SPPL3: variants seen among roughly 807,000 people sequenced by gnomAD.
SPPL3 encodes the protein signal peptide peptidase-like 3.
A neutral mutation model predicts 42.4 loss-of-function variants in SPPL3; 5 were observed. That is an observed-to-expected ratio of 0.12 (90% CI 0.06 to 0.25). The LOEUF (loss-of-function observed/expected upper bound fraction) is 0.25. Ranked by LOEUF, SPPL3 falls within the 10% of genes least tolerant of loss-of-function variation. The probability of loss-of-function intolerance (pLI) is 1.00; values close to 1 mark genes in which losing one functional copy is unlikely to be tolerated. For synonymous variants in SPPL3, 195 were observed against 181.8 expected (o/e 1.07, Z -0.58); for missense variants, 235 against 489.0 (o/e 0.48, Z 4.90).
intron 2 of SPPL3, among the ~76,000 whole-genome samples, chr12:120,802,388 TAC>T (rs1184183780): frequency 4.5e-5 from 6 of 134,178 alleles, no homozygotes; most frequent in East Asian, 4.0e-4. Flanking sequence ...TGTATATATA[TAC>T]ACATATATGT....
intron 1 of SPPL3, among the ~76,000 whole-genome samples, chr12:120,879,302 C>T (rs974002902): frequency 1.3e-5 from 2 of 152,098 alleles, no homozygotes; most frequent in East Asian, 1.9e-4. Flanking sequence ...TCATCTCCCC[C>T]GCTCCAAAAG....
At position 120,800,304 on chromosome 12, in the gene SPPL3, A is replaced by G. The variant is rs1051651141; in HGVS notation, c.102-8747T>C. On this transcript the variant is annotated intron_variant, in intron 2 of 10. Transcript: ENST00000353487. Reference sequence around the variant, plus strand: ...GATCACCTGAGGTTAGAAGTTCGAGACCAGCCTGGACAACATGGTGAAACC... The same window carrying G: ...GATCACCTGAGGTTAGAAGTTCGAGGCCAGCCTGGACAACATGGTGAAACC... Among the ~76,000 whole-genome samples, 4 of 152,162 alleles carry G rather than the reference A, an allele frequency of 2.6e-5. No individual in the cohort carries two copies. In the South Asian group the frequency reaches 8.3e-4, roughly 31 times the overall value.
chr12:120,835,131 G>A (rs1048670522), intron 1 of SPPL3, among the ~76,000 whole-genome samples: 2 of 152,156 alleles, frequency 1.3e-5, no homozygotes, highest in African/African-American at 4.8e-5. Flanking sequence ...CAGGGACCCT[G>A]TTCCAACTTC....
chr12:120,779,881 C>T (rs1869464926), intron 6 of SPPL3, among the ~76,000 whole-genome samples: 1 of 146,350 alleles, frequency 6.8e-6, no homozygotes, highest in Non-Finnish European at 1.5e-5. Flanking sequence ...ACCTGTAATC[C>T]CAGTTACTCA....
At chr12:120,855,744 A>G (rs1330343428) in intron 1 of SPPL3, among the ~76,000 whole-genome samples, 1 of 152,200 alleles carries the variant, frequency 6.6e-6, no homozygotes, top group Non-Finnish European at 1.5e-5. Context: ...AAATGTGTTC[A>G]GTACTTTTTC....
At chr12:120,894,676 T>C (rs1346635198) in intron 1 of SPPL3, among the ~76,000 whole-genome samples, 2 of 152,226 alleles carry the variant, frequency 1.3e-5, no homozygotes, top group African/African-American at 4.8e-5. Flanking sequence ...CCAGGCGCAG[T>C]GGCTCATGCC....
At chr12:120,795,811 T>A (rs1870078031) in intron 2 of SPPL3, among the ~76,000 whole-genome samples, 1 of 152,210 alleles carries the variant, frequency 6.6e-6, no homozygotes. Context: ...TCCCTCCCTT[T>A]CTTCTCCTCT....
At chr12:120,833,696 GAA>G (rs1871511565) in intron 1 of SPPL3, among the ~76,000 whole-genome samples, 1 of 134,014 alleles carries the variant, frequency 7.5e-6, no homozygotes, top group Non-Finnish European at 1.6e-5. Flanking sequence ...AAAAAAAAAG[GAA>G]AAAGAGAAAA....
At chr12:120,836,483 G>T (rs551669418) in intron 1 of SPPL3, among the ~76,000 whole-genome samples, 2 of 152,256 alleles carry the variant, frequency 1.3e-5, no homozygotes, top group East Asian at 3.9e-4. Flanking sequence ...ATGTGAATGA[G>T]ACCATCCTGA....
At chr12:120,845,449 C>T in intron 1 of SPPL3, 2 of 410,054 alleles carry the variant, frequency 4.9e-6, no homozygotes, top group East Asian at 6.2e-5. Context: ...TCCGAGCCGC[C>T]CACGCCCCAC....
At chr12:120,774,038 G>A (rs10849788) in intron 6 of SPPL3, among the ~76,000 whole-genome samples, 29,453 of 152,094 alleles carry the variant, frequency 0.19, 4,486 homozygotes, top group African/African-American at 0.41. Context: ...CTCCACCTGC[G>A]TCTAAACTAA....
intron 2 of SPPL3, among the ~76,000 whole-genome samples, chr12:120,800,341 A>C (rs1203319060): frequency 1.3e-5 from 2 of 152,084 alleles, no homozygotes; most frequent in Admixed American, 6.5e-5. Flanking sequence ...CGTCTCTACT[A>C]AAAATACAAA....
In SPPL3 at chr12:120,796,908, A is replaced by G. The variant is rs191020204; in HGVS notation, c.102-5351T>C. Among the ~76,000 whole-genome samples, 30 of 152,274 alleles carry G rather than the reference A, an allele frequency of 2.0e-4. No homozygotes were observed. The East Asian group carries it at 4.6e-3, about 23-fold the overall frequency. On this transcript the variant is annotated intron_variant, in intron 2 of 10. Coordinates refer to ENST00000353487, the MANE Select transcript of SPPL3 (RefSeq NM_139015.5). ...GTGGTGAGGGTGGGTGCAGTGGTTCACGCCTGTAATCCCAGCACTTTGAGA... is the reference window on the plus strand; with the variant it reads ...GTGGTGAGGGTGGGTGCAGTGGTTCGCGCCTGTAATCCCAGCACTTTGAGA...
chr12:120,798,498 G>C lies in SPPL3; in HGVS notation c.102-6941C>G, dbSNP rs2033587627. 2.6e-5 allele frequency among the ~76,000 whole-genome samples: 4 copies of C among 152,108 alleles called. No individual in the cohort carries two copies. The South Asian group carries it at 8.3e-4, about 31-fold the overall frequency. On this transcript the variant is annotated intron_variant, in intron 2 of 10. Transcript: ENST00000353487. Reference sequence around the variant, plus strand: ...TTCTAGTACATGGTTTCACTTCTATGATCTTTTAAGCTTTAATTCATGTTT... The same window carrying C: ...TTCTAGTACATGGTTTCACTTCTATCATCTTTTAAGCTTTAATTCATGTTT...
chr12:120,780,458 A>C (rs1027113040), intron 6 of SPPL3, among the ~76,000 whole-genome samples: 9 of 151,140 alleles, frequency 6.0e-5, no homozygotes, highest in African/African-American at 2.2e-4. Flanking sequence ...CAAACAAAAC[A>C]AAAAAAGCTG....
At chr12:120,850,586 T>G (rs999747100) in intron 1 of SPPL3, among the ~76,000 whole-genome samples, 1 of 151,938 alleles carries the variant, frequency 6.6e-6, no homozygotes, top group African/African-American at 2.4e-5. Context: ...TTTTTGACAG[T>G]GGACGTTAGG....
intron 2 of SPPL3, among the ~76,000 whole-genome samples, chr12:120,800,997 T>C (rs567243157): frequency 6.6e-6 from 1 of 152,294 alleles, no homozygotes; most frequent in Non-Finnish European, 1.5e-5. Context: ...GAAACAAAAA[T>C]ATTTCACCCA....
chr12:120,796,947 G>A lies in SPPL3; in HGVS notation c.102-5390C>T, dbSNP rs112933790. ...AGCACTTTGAGAGGCTGAGGCGGGCGAATCACGAGGTCAGGAGTTCGAGAC... is the reference window on the plus strand; with the variant it reads ...AGCACTTTGAGAGGCTGAGGCGGGCAAATCACGAGGTCAGGAGTTCGAGAC... On this transcript the variant is annotated intron_variant, in intron 2 of 10. Coordinates refer to ENST00000353487, the MANE Select transcript of SPPL3 (RefSeq NM_139015.5). 4.2e-3 allele frequency among the ~76,000 whole-genome samples: 634 copies of A among 152,170 alleles called. 6 individuals are homozygous for A. Among genetic ancestry groups the A allele is most frequent in the African/African-American group, 0.014 (588 of 41,512 alleles).
At chr12:120,846,745 ATAGAAG>A (rs1474684619) in intron 1 of SPPL3, among the ~76,000 whole-genome samples, 2 of 152,258 alleles carry the variant, frequency 1.3e-5, no homozygotes, top group African/African-American at 4.8e-5. Context: ...GCAAAATGGA[ATAGAAG>A]TAGTCATGTT....
Sources: allele counts gnomAD v4.1 joint callset (sites outside exome capture counted in the v4.1 genomes callset), GRCh38; gene constraint gnomAD v4.1.1; transcripts MANE v1.5; gene names NCBI Gene and HGNC (gene_info 2026-07-23, HGNC 2026-07-21).